Variants in RPS6KC1 observed in about 807,000 individuals in gnomAD.
RPS6KC1 encodes inactive ribosomal protein S6 kinase delta-1.
RPS6KC1 carries 54 observed loss-of-function variants against 103.8 expected under a neutral mutation model. That is an observed-to-expected ratio of 0.52 (90% CI 0.42 to 0.65). RPS6KC1 has a LOEUF of 0.65. Among genes scored for constraint, RPS6KC1 ranks in the 30% least tolerant of loss-of-function variants. RPS6KC1 has a pLI of 0.00. For synonymous variants in RPS6KC1, 439 were observed against 438.7 expected (o/e 1.00, Z -0.01); for missense variants, 1,151 against 1,253.8 (o/e 0.92, Z 1.24).
At position 213,129,721 on chromosome 1, in the gene RPS6KC1, C is replaced by A. The variant is rs755598192; in HGVS notation, c.667C>A (p.Arg223Ser). The change falls in exon 6 of 15, where the codon CGT (arginine) becomes AGT (serine). Residue 223 changes from arginine (R) to serine (S), a missense_variant. By Grantham distance (110) the Arg-to-Ser change is moderately radical. Transcript: ENST00000366960. ...CAAAACAGAAGAAGAACGGGAAAGT[C>A]GTAGCCTCTTTCCTGGCAGTTTAAA... Reference protein sequence around the residue: ...QSKTEEERESRSLFPGSLKPK... With the variant: ...QSKTEEERESSSLFPGSLKPK... 1 of 1,614,042 alleles carries A rather than the reference C, an allele frequency of 6.2e-7. No homozygotes were observed. Among genetic ancestry groups the A allele is most frequent in the Non-Finnish European group, 8.5e-7 (1 of 1,179,972 alleles).
chr1:213,177,471 G>A (rs1385820854), intron 8 of RPS6KC1, among the ~76,000 whole-genome samples: 2 of 152,070 alleles, frequency 1.3e-5, no homozygotes, highest in African/African-American at 4.8e-5. Context: ...GTATTCTCTA[G>A]CAATTTAGAC....
At chr1:213,859,061 G>A in the RPS6KC1 span, among the ~76,000 whole-genome samples, 1 of 152,174 alleles carries the variant, frequency 6.6e-6, no homozygotes, top group Non-Finnish European at 1.5e-5. Context: ...ATGAGAAGAT[G>A]ACCATGTTTA....
rs1487634916 is a variant in RPS6KC1, at chr1:213,178,001, T to G, written c.1044+1509T>G. On this transcript the variant is annotated intron_variant, in intron 8 of 14. Coordinates refer to ENST00000366960, the MANE Select transcript of RPS6KC1 (RefSeq NM_012424.6). Reference sequence around the variant, plus strand: ...GGCAGATCACTTGAGCCTAGGAGTTTGAGACTATCTGGGCAACATGGTGAG... The same window carrying G: ...GGCAGATCACTTGAGCCTAGGAGTTGGAGACTATCTGGGCAACATGGTGAG... Among the ~76,000 whole-genome samples the G allele has an allele frequency of 3.3e-5, 5 of 150,414 alleles. No individual in the cohort carries two copies. The East Asian group carries it at 9.9e-4, about 30-fold the overall frequency.
chr1:213,785,753 A>G, the RPS6KC1 span, among the ~76,000 whole-genome samples: 1 of 152,184 alleles, frequency 6.6e-6, no homozygotes, highest in Non-Finnish European at 1.5e-5. Flanking sequence ...ACTAGGAAGC[A>G]ATGAAAATCA....
the RPS6KC1 span, among the ~76,000 whole-genome samples, chr1:213,528,203 TG>T: frequency 6.6e-6 from 1 of 152,170 alleles, no homozygotes; most frequent in South Asian, 2.1e-4. Flanking sequence ...CAGTTCAGCA[TG>T]GCTGCAGAAG....
At chr1:213,806,565 G>C in the RPS6KC1 span, among the ~76,000 whole-genome samples, 1 of 146,460 alleles carries the variant, frequency 6.8e-6, no homozygotes, top group Non-Finnish European at 1.5e-5. Context: ...ATCTTTGTTG[G>C]TTTAAAGTCT....
chr1:213,822,125 G>A, the RPS6KC1 span: 1 of 152,194 alleles, frequency 6.6e-6, no homozygotes, highest in African/African-American at 2.4e-5. Context: ...CCAAAGTCCT[G>A]TGAGCCCCTT....
chr1:213,852,539 C>T, the RPS6KC1 span, among the ~76,000 whole-genome samples: 1 of 152,126 alleles, frequency 6.6e-6, no homozygotes, highest in South Asian at 2.1e-4. Context: ...CCTTTTTAAT[C>T]GACAGATCTG....
intron 8 of RPS6KC1, among the ~76,000 whole-genome samples, chr1:213,211,102 C>A (rs972577491): frequency 2.0e-5 from 3 of 152,198 alleles, no homozygotes; most frequent in Admixed American, 2.0e-4. Flanking sequence ...CTAGCAAATG[C>A]AAATAAGGAA....
At chr1:213,491,901 CA>C in the RPS6KC1 span, among the ~76,000 whole-genome samples, 1 of 152,156 alleles carries the variant, frequency 6.6e-6, no homozygotes, top group South Asian at 2.1e-4. Context: ...TGGAGGTTGT[CA>C]GGGGGAAGGT....
At chr1:213,299,551 C>CAA in the RPS6KC1 span, among the ~76,000 whole-genome samples, 653 of 105,018 alleles carry the variant, frequency 6.2e-3, 12 homozygotes, top group East Asian at 0.016. Flanking sequence ...GACTCCATCT[C>CAA]AAAAAAAAAA....
the RPS6KC1 span, among the ~76,000 whole-genome samples, chr1:213,702,282 T>C: frequency 6.6e-6 from 1 of 152,034 alleles, no homozygotes; most frequent in African/African-American, 2.4e-5. Context: ...GGGAATATGC[T>C]TGATATTATT....
chr1:213,284,591 A>T, the RPS6KC1 span, among the ~76,000 whole-genome samples: 80 of 151,820 alleles, frequency 5.3e-4, no homozygotes, highest in African/African-American at 1.7e-3. Context: ...AATTTAAAAA[A>T]TTTTTTAAGT....
chr1:213,522,657 T>A, the RPS6KC1 span, among the ~76,000 whole-genome samples: 1 of 152,244 alleles, frequency 6.6e-6, no homozygotes, highest in Non-Finnish European at 1.5e-5. Context: ...CCACAGCTTC[T>A]AACAACAGCA....
the RPS6KC1 span, among the ~76,000 whole-genome samples, chr1:213,566,769 C>G: frequency 6.6e-6 from 1 of 151,422 alleles, no homozygotes; most frequent in East Asian, 1.9e-4. Flanking sequence ...CTCTTTAATT[C>G]CTTTCTCAAT....
chr1:213,804,316 C>A, the RPS6KC1 span, among the ~76,000 whole-genome samples: 1 of 151,950 alleles, frequency 6.6e-6, no homozygotes, highest in East Asian at 1.9e-4. Context: ...ACCTTCCAAT[C>A]TCTGCTATTT....
the RPS6KC1 span, among the ~76,000 whole-genome samples, chr1:213,565,174 A>T: frequency 1.3e-5 from 2 of 152,184 alleles, no homozygotes; most frequent in Admixed American, 6.5e-5. Flanking sequence ...ATATATTAGA[A>T]ATGTAAAATT....
chr1:213,089,565 G>A (rs534030562), intron 3 of RPS6KC1, among the ~76,000 whole-genome samples: 2 of 151,936 alleles, frequency 1.3e-5, no homozygotes, highest in South Asian at 2.1e-4. Context: ...AGGTTCAAGC[G>A]GTTCTCCTGT....
chr1:213,718,582 C>T, the RPS6KC1 span, among the ~76,000 whole-genome samples: 3 of 152,208 alleles, frequency 2.0e-5, no homozygotes, highest in Admixed American at 6.5e-5. Flanking sequence ...AGACACTGGT[C>T]GTTGGGAGGC....
Sources: allele counts gnomAD v4.1 joint callset (sites outside exome capture counted in the v4.1 genomes callset), GRCh38; gene constraint gnomAD v4.1.1; transcripts MANE v1.5; gene names NCBI Gene and HGNC (gene_info 2026-07-23, HGNC 2026-07-21).